The following ZNF721 variants were observed in gnomAD, a reference collection of about 807,000 sequenced individuals.
The protein encoded by ZNF721 is zinc finger protein 721.
ZNF721 carries 2 observed loss-of-function variants against 2.4 expected under a neutral mutation model. That is an observed-to-expected ratio of 0.82 (90% CI 0.34 to 2.58). ZNF721 has a LOEUF of 2.58. Ranked by LOEUF, ZNF721 falls within the 30% of genes most tolerant of loss-of-function variation. ZNF721 has a pLI of 0.11. For synonymous variants in ZNF721, 398 were observed against 381.8 expected (o/e 1.04, Z -0.50); for missense variants, 1,187 against 1,085.5 (o/e 1.09, Z -1.31).
intron 2 of ZNF721, among the ~76,000 whole-genome samples, chr4:468,158 T>C (rs939475475): frequency 9.9e-5 from 15 of 152,032 alleles, no homozygotes; most frequent in African/African-American, 3.4e-4. Flanking sequence ...TCCCAGCTAC[T>C]TGGGGGGCTG....
At chr4:469,388 C>T (rs1715358000) in intron 2 of ZNF721, among the ~76,000 whole-genome samples, 1 of 151,870 alleles carries the variant, frequency 6.6e-6, no homozygotes, top group African/African-American at 2.4e-5. Flanking sequence ...CAATAAAGCA[C>T]AAAATCTAGT....
In ZNF721 at chr4:450,949, AAAAAAAAATATATATATATATAT is replaced by A. The variant is rs1329133723; in HGVS notation, c.35-6540_35-6518del. Among the ~76,000 whole-genome samples, 11 of 46,952 alleles carry A rather than the reference AAAAAAAAATATATATATATATAT, an allele frequency of 2.3e-4. 2 individuals are homozygous for A. The highest frequency in any genetic ancestry group is 4.4e-4 in the Non-Finnish European group (11 of 25,100). 30.8% of individuals were successfully genotyped at this position (46,952 alleles called of 152,430 possible). ...AAGACTCTGTCTCCAAAAAAAAAAA[AAAAAAAAATATATATATATATAT>A]ATATATATATATATATATATATATC... On this transcript the variant is annotated intron_variant, in intron 2 of 2. Coordinates refer to ENST00000511833, the MANE Select transcript of ZNF721 (RefSeq NM_133474.4).
At position 442,590 on chromosome 4, in the gene ZNF721, G is replaced by A. The variant is rs529375345; in HGVS notation, c.1877C>T (p.Thr626Met). Reference sequence around the variant, plus strand: ...AATTTTCTTCTGTTGATTCAGGTCCGTGTACCATACAAAGTCTTTGCCACA... The same window carrying A: ...AATTTTCTTCTGTTGATTCAGGTCCATGTACCATACAAAGTCTTTGCCACA... ...EECGKDFVWY[T>M]DLNQQKKIYT... The change falls in exon 3 of 3, where the codon ACG becomes ATG. Residue 626 changes from threonine to methionine, a missense_variant. Transcript: ENST00000511833. The A allele has an allele frequency of 5.0e-4, 800 of 1,612,808 alleles. 15 individuals are homozygous for A. In the South Asian group the frequency reaches 7.8e-3, roughly 16 times the overall value.
At chr4:497,732 C>CCAAAAA (rs1553872716) in intron 1 of ZNF721, among the ~76,000 whole-genome samples, 1 of 123,996 alleles carries the variant, frequency 8.1e-6, no homozygotes, top group Non-Finnish European at 1.7e-5. Flanking sequence ...CTAAAAAATA[C>CCAAAAA]AAAAAAAAAA....
rs931492008 is a variant in ZNF721 at position 440,620 on chromosome 4, T to G, written c.*1075A>C. 8 of 152,244 alleles carry G rather than the reference T, an allele frequency of 5.3e-5. No individual in the cohort carries two copies. In the East Asian group the frequency reaches 1.5e-3, roughly 29 times the overall value. 9.4% of individuals were successfully genotyped at this position (152,244 alleles called of 1,614,324 possible). ...AGCCTAAATATTTCTTCACATTTACTGCACCTACAAATTATATTCTAGTAA... is the reference window on the plus strand; with the variant it reads ...AGCCTAAATATTTCTTCACATTTACGGCACCTACAAATTATATTCTAGTAA... On this transcript the variant is annotated 3_prime_UTR_variant, in exon 3 of 3. Transcript: ENST00000511833.
intron 1 of ZNF721, among the ~76,000 whole-genome samples, chr4:496,181 G>A (rs1452342012): frequency 6.6e-6 from 1 of 151,992 alleles, no homozygotes; most frequent in African/African-American, 2.4e-5. Flanking sequence ...GTATTTAGCC[G>A]CTTCAGAGGC....
intron 1 of ZNF721, chr4:474,090 T>C (rs1040617474): frequency 3.0e-6 from 4 of 1,348,338 alleles, no homozygotes; most frequent in South Asian, 1.1e-5. Flanking sequence ...GAGGCCTCCC[T>C]GAGGTGTGGA....
chr4:470,949 G>A (rs1553867581), intron 2 of ZNF721, among the ~76,000 whole-genome samples: 1 of 151,150 alleles, frequency 6.6e-6, no homozygotes, highest in African/African-American at 2.4e-5. Flanking sequence ...GCAGTGAGCT[G>A]AGATCATGCC....
intron 1 of ZNF721, among the ~76,000 whole-genome samples, chr4:486,393 C>T: frequency 6.6e-6 from 1 of 152,150 alleles, no homozygotes. Context: ...CTCCTGACCT[C>T]ATGACCGCCC....
chr4:498,860 G>A (rs1457445547), intron 1 of ZNF721, among the ~76,000 whole-genome samples, 196 bp downstream of exon 1: 1 of 152,002 alleles, frequency 6.6e-6, no homozygotes, highest in Non-Finnish European at 1.5e-5. Flanking sequence ...GAGTAGCTGG[G>A]ACGACAGGCA....
intron 1 of ZNF721, among the ~76,000 whole-genome samples, chr4:498,442 G>A (rs1260997710): frequency 1.3e-5 from 2 of 152,112 alleles, no homozygotes; most frequent in Non-Finnish European, 2.9e-5. Context: ...GTCCTGAGCA[G>A]TTCCGAGCTT....
At chr4:474,192 C>T (rs1294246999) in intron 1 of ZNF721, 4 of 447,062 alleles carry the variant, frequency 8.9e-6, no homozygotes, top group South Asian at 3.8e-5. Context: ...TCTCAGACTG[C>T]GCGCCTGATT....
intron 1 of ZNF721, among the ~76,000 whole-genome samples, chr4:477,217 C>G (rs912288931): frequency 6.6e-6 from 1 of 151,460 alleles, no homozygotes; most frequent in East Asian, 1.9e-4. Flanking sequence ...GTATCTTTCC[C>G]TGACAAAGAG....
intron 2 of ZNF721, among the ~76,000 whole-genome samples, chr4:460,627 CAAAAAAA>C (rs199519505): frequency 2.0e-5 from 2 of 101,386 alleles, no homozygotes; most frequent in South Asian, 6.5e-4. Context: ...AAGACCCTTT[CAAAAAAA>C]AAAAAAAAAA....
At chr4:495,331 CAAAAA>C (rs548290022) in intron 1 of ZNF721, among the ~76,000 whole-genome samples, 4 of 90,482 alleles carry the variant, frequency 4.4e-5, no homozygotes, top group South Asian at 3.6e-4. Context: ...AACTTTTGCT[CAAAAA>C]AAAAAAAAAA....
chr4:498,726 C>CTTTTTTTTTTTTTTTTT (rs1180549953), intron 1 of ZNF721, among the ~76,000 whole-genome samples: 1 of 132,552 alleles, frequency 7.5e-6, no homozygotes. Context: ...GTTGAATTTT[C>CTTTTTTTTTTTTTTTTT]TTTTTTTTTT....
In ZNF721 at chr4:442,635, T is replaced by C; in HGVS notation, c.1832A>G (p.Lys611Arg). 1 of 1,613,982 alleles carries C rather than the reference T, an allele frequency of 6.2e-7. No homozygotes were observed. The highest frequency in any genetic ancestry group is 1.1e-5 in the South Asian group (1 of 91,066). The change falls in exon 3 of 3, where the codon AAA becomes AGA. Residue 611 changes from lysine (K) to arginine (R), a missense_variant. Coordinates refer to ENST00000511833, the MANE Select transcript of ZNF721 (RefSeq NM_133474.4). ...NQHKKIHTGE[K>R]LYKCEECGKD... ...GCCACACTCTTCACATTTGTAAAGT[T>C]TCTCTCCAGTATGAATTTTCTTGTG...
intron 2 of ZNF721, among the ~76,000 whole-genome samples, chr4:462,706 A>C (rs1235569983): frequency 6.6e-6 from 1 of 152,238 alleles, no homozygotes; most frequent in Non-Finnish European, 1.5e-5. Context: ...CCATATGCAG[A>C]AAACTGAAAC....
chr4:478,388 C>A (rs1165185385), intron 1 of ZNF721, among the ~76,000 whole-genome samples: 14 of 152,040 alleles, frequency 9.2e-5, no homozygotes, highest in Admixed American at 6.6e-5. Context: ...AGATTTACCC[C>A]TTTTCTATAG....
Sources: allele counts gnomAD v4.1 joint callset (sites outside exome capture counted in the v4.1 genomes callset), GRCh38; gene constraint gnomAD v4.1.1; transcripts MANE v1.5; gene names NCBI Gene and HGNC (gene_info 2026-07-23, HGNC 2026-07-21).